CSMD1: variants seen among roughly 807,000 people sequenced by gnomAD.
CSMD1 encodes CUB and Sushi multiple domains 1, also known as CUB and sushi domain-containing protein 1.
CSMD1 carries 213 observed loss-of-function variants against 417.5 expected under a neutral mutation model. The ratio of observed to expected loss-of-function variants is 0.51; its 90% CI spans 0.46 to 0.57. The LOEUF (loss-of-function observed/expected upper bound fraction) is 0.57. Among genes scored for constraint, CSMD1 ranks in the 20% least tolerant of loss-of-function variants. The pLI is 0.00. For missense variants in CSMD1, 6,923 were observed against 4,529.7 expected (o/e 1.53, Z -15.17); for synonymous variants, 2,862 against 1,736.8 (o/e 1.65, Z -16.11).
chr8:4,138,006 T>G (rs1012329409), intron 3 of CSMD1, among the ~76,000 whole-genome samples: 1 of 145,638 alleles, frequency 6.9e-6, no homozygotes, highest in Admixed American at 7.1e-5. Flanking sequence ...GCCTCCAGAG[T>G]AGCTGCGACT....
At chr8:3,522,970 T>A (rs541767932) in intron 10 of CSMD1, among the ~76,000 whole-genome samples, 2 of 150,354 alleles carry the variant, frequency 1.3e-5, no homozygotes, top group Admixed American at 1.3e-4. Flanking sequence ...TACTCATTTA[T>A]CTATTTTATA....
chr8:3,634,392 G>A (rs900434034), intron 7 of CSMD1, among the ~76,000 whole-genome samples: 1 of 152,178 alleles, frequency 6.6e-6, no homozygotes, highest in African/African-American at 2.4e-5. Context: ...AGGCTCAGGA[G>A]AGCTTCTGTG....
chr8:3,818,007 T>C (rs529879456), intron 5 of CSMD1, among the ~76,000 whole-genome samples: 1 of 152,308 alleles, frequency 6.6e-6, no homozygotes, highest in African/African-American at 2.4e-5. Flanking sequence ...CATTTTTACT[T>C]TATTTTAAAA....
chr8:3,291,373 T>A (rs4875165), intron 25 of CSMD1, among the ~76,000 whole-genome samples: 136,778 of 151,930 alleles, frequency 0.9, 61,929 homozygotes, highest in Middle Eastern at 0.95. Flanking sequence ...ATCTTTTTCT[T>A]TTGATTGGAA....
rs536788016 is a variant in CSMD1, at chr8:4,733,802, C to T, written c.86-96244G>A. Among the ~76,000 whole-genome samples, 175 of 152,280 alleles carry T rather than the reference C, an allele frequency of 1.1e-3. 2 individuals carry two copies. The highest frequency in any genetic ancestry group is 4.1e-3 in the African/African-American group (171 of 41,558). ...ACGACAAAATCCTTCATGACTACTA[C>T]TAAATTATGGAAAACTGCCTTATTT... On this transcript the variant is annotated intron_variant, in intron 1 of 69. Transcript: ENST00000635120.
At chr8:3,582,958 C>T (rs1050395044) in intron 9 of CSMD1, among the ~76,000 whole-genome samples, 3 of 152,128 alleles carry the variant, frequency 2.0e-5, no homozygotes, top group Non-Finnish European at 4.4e-5. Flanking sequence ...AATTAAACTA[C>T]CTTATTAACT....
chr8:4,381,360 C>T (rs774003617), intron 3 of CSMD1, among the ~76,000 whole-genome samples: 1 of 152,058 alleles, frequency 6.6e-6, no homozygotes, highest in Admixed American at 6.5e-5. Flanking sequence ...TCTGGTGACC[C>T]TATGACCCTG....
intron 3 of CSMD1, among the ~76,000 whole-genome samples, chr8:4,123,750 A>C (rs1802611973): frequency 6.6e-6 from 1 of 152,190 alleles, no homozygotes; most frequent in Non-Finnish European, 1.5e-5. Flanking sequence ...CAATGTGTTT[A>C]TGCTGTGATA....
intron 1 of CSMD1, among the ~76,000 whole-genome samples, chr8:4,812,587 T>C (rs10216905): frequency 0.48 from 72,961 of 151,584 alleles, 17,962 homozygotes; most frequent in Non-Finnish European, 0.53. Context: ...TTAAAGTCAA[T>C]CCAAGCAAGC....
intron 49 of CSMD1, among the ~76,000 whole-genome samples, chr8:3,069,968 C>T (rs138994065): frequency 9.6e-4 from 146 of 152,348 alleles, no homozygotes; most frequent in African/African-American, 3.1e-3. Flanking sequence ...TAACGCCACA[C>T]GGAAGCTGTC....
intron 1 of CSMD1, among the ~76,000 whole-genome samples, chr8:4,915,708 C>T (rs1806018494): frequency 6.6e-6 from 1 of 152,204 alleles, no homozygotes; most frequent in Non-Finnish European, 1.5e-5. Flanking sequence ...GGGTCACGCC[C>T]TAAACATTAT....
chr8:3,783,205 T>C (rs1799271860), intron 5 of CSMD1, among the ~76,000 whole-genome samples: 1 of 152,246 alleles, frequency 6.6e-6, no homozygotes, highest in Non-Finnish European at 1.5e-5. Context: ...CCATTCTTTC[T>C]TGTTCCTGGA....
intron 4 of CSMD1, among the ~76,000 whole-genome samples, chr8:4,026,467 G>A (rs1415720326): frequency 1.3e-5 from 2 of 152,258 alleles, no homozygotes; most frequent in South Asian, 2.1e-4. Context: ...ATACGATTAT[G>A]GAAATTTTAA....
At chr8:3,273,005 G>T (rs1350611381) in intron 26 of CSMD1, among the ~76,000 whole-genome samples, 6 of 151,266 alleles carry the variant, frequency 4.0e-5, no homozygotes, top group African/African-American at 1.5e-4. Flanking sequence ...TCCCTGTCTT[G>T]TGCCAGTCTT....
At chr8:3,504,712 C>G (rs535800179) in intron 10 of CSMD1, among the ~76,000 whole-genome samples, 1 of 152,170 alleles carries the variant, frequency 6.6e-6, no homozygotes, top group Non-Finnish European at 1.5e-5. Flanking sequence ...ATCACCTGCA[C>G]CCTTCCTTCT....
intron 3 of CSMD1, among the ~76,000 whole-genome samples, chr8:4,200,056 C>G (rs569250457): frequency 6.6e-6 from 1 of 152,266 alleles, no homozygotes; most frequent in East Asian, 1.9e-4. Flanking sequence ...GAATGATTAG[C>G]TCTATCAACA....
chr8:4,018,921 T>C (rs1796652402), intron 4 of CSMD1, among the ~76,000 whole-genome samples: 1 of 152,192 alleles, frequency 6.6e-6, no homozygotes, highest in African/African-American at 2.4e-5. Context: ...TGAAAGTTAA[T>C]AACAAGAACA....
At chr8:3,474,648 A>C in intron 11 of CSMD1, among the ~76,000 whole-genome samples, 1 of 152,276 alleles carries the variant, frequency 6.6e-6, no homozygotes, top group Non-Finnish European at 1.5e-5. Flanking sequence ...TGTTTATATC[A>C]ATTAGCCTAA....
chr8:3,644,663 CAAGTGGCTG>C (rs931508163), intron 7 of CSMD1, among the ~76,000 whole-genome samples: 1 of 152,068 alleles, frequency 6.6e-6, no homozygotes, highest in African/African-American at 2.4e-5. Flanking sequence ...GCAGCAGGTT[CAAGTGGCTG>C]AAGAAGAGAC....
Sources: gnomAD v4.1 joint callset for allele counts (sites outside exome capture counted in the v4.1 genomes callset) on GRCh38, gnomAD v4.1.1 for gene constraint, MANE v1.5 for transcripts, NCBI Gene and HGNC (gene_info 2026-07-23, HGNC 2026-07-21) for gene names.